Variants in THUMPD1 observed in about 807,000 individuals in gnomAD.
THUMPD1 encodes THUMP domain-containing protein 1.
In THUMPD1, 31 loss-of-function variants were observed where a neutral mutation model predicts 31.6. That is an observed-to-expected ratio of 0.98 (90% CI 0.74 to 1.32). THUMPD1 has a LOEUF of 1.32. Ranked by LOEUF, THUMPD1 falls within the 40% of genes most tolerant of loss-of-function variation. The probability of loss-of-function intolerance (pLI) is 0.00; values close to 1 mark genes in which losing one functional copy is unlikely to be tolerated. For missense variants in THUMPD1, 446 were observed against 427.8 expected (o/e 1.04, Z -0.38); for synonymous variants, 166 against 158.2 (o/e 1.05, Z -0.37).
rs2079877772 is a variant in THUMPD1 at position 20,737,192 on chromosome 16, C to T, written c.750G>A (p.Leu250=). The T allele has an allele frequency of 1.2e-6, 2 of 1,614,100 alleles. No homozygotes were observed. The highest frequency in any genetic ancestry group is 2.2e-5 in the South Asian group (2 of 91,090). Residue 250 remains leucine (L), a synonymous_variant, in exon 4 of 4, where the codon CTG becomes CTA. Transcript: ENST00000396083. ...ACAACATGTAATCTTTCACAACACTCAGGCAACAGACAGCTTTGATGATTT... is the reference window on the plus strand; with the variant it reads ...ACAACATGTAATCTTTCACAACACTTAGGCAACAGACAGCTTTGATGATTT... ...VVEIIKAVCC[L]SVVKDYMLFR...
rs777173334 is a variant in THUMPD1 at position 20,738,919 on chromosome 16, GACA to G, written c.381_383del (p.Val128del). ...CACCTATCCCAAGTGTCCTGATGAAGACAACGTTATTTGCTCCACTTTCCACTG... is the reference window on the plus strand; with the variant it reads ...CACCTATCCCAAGTGTCCTGATGAAGACGTTATTTGCTCCACTTTCCACTG... On this transcript the variant is annotated inframe_deletion, in exon 2 of 4. Coordinates refer to ENST00000396083, the MANE Select transcript of THUMPD1 (RefSeq NM_017736.5). 9 of 1,614,046 alleles carry G rather than the reference GACA, an allele frequency of 5.6e-6. No homozygotes were observed. The highest frequency in any genetic ancestry group is 4.0e-5 in the African/African-American group (3 of 74,924).
intron 1 of THUMPD1, 28 bp downstream of exon 1, chr16:20,741,481 G>GGGGGGGGGGGGCCCCCCCCCCCCCCCCC: frequency 1.5e-6 from 2 of 1,308,406 alleles, no homozygotes; most frequent in Non-Finnish European, 2.0e-6. Flanking sequence ...CTGGCAGCCG[G>GGGGGGGGGGGGCCCCCCCCCCCCCCCCC]CCCGCCCGCC....
chr16:20,735,614 T>TCA lies in THUMPD1; in HGVS notation c.*1265_*1266insTG, dbSNP rs772163541. On this transcript the variant is annotated 3_prime_UTR_variant, in exon 4 of 4. Coordinates refer to ENST00000396083, the MANE Select transcript of THUMPD1 (RefSeq NM_017736.5). ...GGAGTGTAGATACCAGACCTCTGGTTATCAGATATGATGTCACAACATTAT... is the reference window on the plus strand; with the variant it reads ...GGAGTGTAGATACCAGACCTCTGGTTCAATCAGATATGATGTCACAACATTAT... 1.3e-5 allele frequency: 2 copies of TCA among 152,028 alleles called. No individual in the cohort carries two copies. Among genetic ancestry groups the TCA allele is most frequent in the Non-Finnish European group, 2.9e-5 (2 of 68,004 alleles). The allele number at this position is 152,028 out of a possible 1,614,324, so 9.4% of individuals were successfully genotyped here.
At chr16:20,739,553 G>A (rs752081351) in intron 1 of THUMPD1, among the ~76,000 whole-genome samples, 4 of 152,126 alleles carry the variant, frequency 2.6e-5, no homozygotes, top group African/African-American at 4.8e-5. Flanking sequence ...GGAAGTGGTG[G>A]CTCATGCCCA....
In THUMPD1 at chr16:20,736,966, G is replaced by A. The variant is rs954251180; in HGVS notation, c.976C>T (p.Gln326Ter). Reference protein sequence around the residue: ...LGQTKPTSNPQVVNEGGAKPE... With the variant: ...LGQTKPTSNP Reference sequence around the variant, plus strand: ...TTGGCTCCTCCCTCATTTACCACCTGTGGATTAGACGTTGGTTTTGTCTGC... The same window carrying A: ...TTGGCTCCTCCCTCATTTACCACCTATGGATTAGACGTTGGTTTTGTCTGC... The change falls in exon 4 of 4, where the codon CAG becomes TAG. Residue 326 changes from glutamine to a stop codon, truncating the protein, a stop_gained. Transcript: ENST00000396083. LOFTEE classifies it high-confidence loss of function. 2.5e-6 allele frequency: 4 copies of A among 1,613,980 alleles called. No individual in the cohort carries two copies. The highest frequency in any genetic ancestry group is 1.3e-5 in the African/African-American group (1 of 74,898).
intron 1 of THUMPD1, among the ~76,000 whole-genome samples, chr16:20,740,229 T>C (rs968651631): frequency 6.6e-6 from 1 of 152,072 alleles, no homozygotes; most frequent in African/African-American, 2.4e-5. Context: ...AACCCGTCTC[T>C]ACAAAAAATA....
chr16:20,740,339 G>GAGCA (rs1383845515), intron 1 of THUMPD1, among the ~76,000 whole-genome samples: 2 of 152,208 alleles, frequency 1.3e-5, no homozygotes, highest in African/African-American at 4.8e-5. Context: ...AAGTTGCAGT[G>GAGCA]AGCAAGAGCA....
chr16:20,741,667 C>A lies in THUMPD1; in HGVS notation c.73G>T (p.Ala25Ser). 6.3e-7 allele frequency: 1 copy of A among 1,583,866 alleles called. No individual in the cohort carries two copies. The highest frequency in any genetic ancestry group is 8.6e-7 in the Non-Finnish European group (1 of 1,165,346). The change falls in exon 1 of 4, where the codon GCC becomes TCC. Residue 25 changes from alanine (A) to serine (S), a missense_variant. Coordinates refer to ENST00000396083, the MANE Select transcript of THUMPD1 (RefSeq NM_017736.5). Reference sequence around the variant, plus strand: ...GCGTCGCAGCGCCGAGCGCGCTTGGCCAGCACATACTGAGCCTTGCCTTTG... The same window carrying A: ...GCGTCGCAGCGCCGAGCGCGCTTGGACAGCACATACTGAGCCTTGCCTTTG... ...KRKGKAQYVL[A>S]KRARRCDAGG...
In THUMPD1 at chr16:20,736,881, T is replaced by G; in HGVS notation, c.1061A>C (p.Ter354SerextTer26). ...GSKSNENDFS[*>S] ...CCACCTCCAACACCAAATGACTTCC[T>G]ATGAGAAGTCATTTTCATTTGACTT... The change falls in exon 4 of 4, where the codon TAG becomes TCG. Residue 354 changes from the stop codon to serine (S), a stop_lost. Coordinates refer to ENST00000396083, the MANE Select transcript of THUMPD1 (RefSeq NM_017736.5). The G allele has an allele frequency of 6.2e-7, 1 of 1,613,544 alleles. No homozygotes were observed. The highest frequency in any genetic ancestry group is 1.1e-5 in the South Asian group (1 of 91,056).
At position 20,741,632 on chromosome 16, in the gene THUMPD1, G is replaced by A. The variant is rs2079925548; in HGVS notation, c.108C>T (p.Pro36=). 2 of 1,579,060 alleles carry A rather than the reference G, an allele frequency of 1.3e-6. No individual in the cohort carries two copies. The highest frequency in any genetic ancestry group is 1.3e-5 in the African/African-American group (1 of 74,252). The part of the protein sequence containing the change: ...KRARRCDAGG[P]RQLEPGLQGI... ...CCTGTAGCCCGGGCTCTAGCTGACG[G>A]GGCCCGCCAGCGTCGCAGCGCCGAG... Residue 36 remains proline (P), a synonymous_variant, in exon 1 of 4, where the codon CCC becomes CCT. Coordinates refer to ENST00000396083, the MANE Select transcript of THUMPD1 (RefSeq NM_017736.5).
chr16:20,738,133 C>A, intron 2 of THUMPD1, 177 bp from the exon 3 acceptor site: 1 of 724,246 alleles, frequency 1.4e-6, no homozygotes, highest in Admixed American at 2.0e-5. Flanking sequence ...CTAATACGTA[C>A]TATAATGTAT....
chr16:20,741,635 CCCGCCAGCGT>C lies in THUMPD1; in HGVS notation c.95_104del (p.Asp32GlyfsTer5). The C allele has an allele frequency of 1.3e-6, 2 of 1,580,080 alleles. No individual in the cohort carries two copies. The highest frequency in any genetic ancestry group is 1.7e-6 in the Non-Finnish European group (2 of 1,163,358). On this transcript the variant is annotated frameshift_variant, in exon 1 of 4. Transcript: ENST00000396083. LOFTEE classifies it high-confidence loss of function. ...GTAGCCCGGGCTCTAGCTGACGGGG[CCCGCCAGCGT>C]CGCAGCGCCGAGCGCGCTTGGCCAG...
Position 20,737,975 on chromosome 16 carries a change from T to C in THUMPD1, c.407-19A>G. 1 of 1,547,450 alleles carries C rather than the reference T, an allele frequency of 6.5e-7. No individual in the cohort carries two copies. Among genetic ancestry groups the C allele is most frequent in the Non-Finnish European group, 8.7e-7 (1 of 1,145,188 alleles). On this transcript the variant is annotated intron_variant, in intron 2 of 3. Transcript: ENST00000396083. ...TCAGGCTCTTAAGAAAAAAAAAAAG[T>C]TAAGAAGATAATTTCTCAGACATCT...
rs779445236 is a variant in THUMPD1, at chr16:20,736,893, T to C, written c.1049A>G (p.Asn350Ser). The C allele has an allele frequency of 3.7e-6, 6 of 1,613,788 alleles. No individual in the cohort carries two copies. Among genetic ancestry groups the C allele is most frequent in the Non-Finnish European group, 2.5e-6 (3 of 1,179,798 alleles). The stretch of plus-strand genomic sequence containing the variant: ...CCAAATGACTTCCTATGAGAAGTCA[T>C]TTTCATTTGACTTGGATCCTTCTGT... ...QATEGSKSNE[N>S]DFS Residue 350 changes from asparagine to serine, a missense_variant, in exon 4 of 4, where the codon AAT becomes AGT. Transcript: ENST00000396083.
At chr16:20,741,414 A>G in intron 1 of THUMPD1, 95 bp downstream of exon 1, 1 of 1,411,882 alleles carries the variant, frequency 7.1e-7, no homozygotes, top group Middle Eastern at 2.6e-4. Flanking sequence ...CGACGACCCG[A>G]GGCGCGCATG....
In THUMPD1 at chr16:20,734,751, C is replaced by A. The variant is rs1177669367; in HGVS notation, c.*2129G>T. On this transcript the variant is annotated 3_prime_UTR_variant, in exon 4 of 4. Transcript: ENST00000396083. ...AAAAACTTTCAAATTCAGGAAACCC[C>A]TAAACCCCTGCAGAGAACCCTCATG... The A allele has an allele frequency of 1.3e-5, 2 of 152,162 alleles. No homozygotes were observed. The highest frequency in any genetic ancestry group is 4.8e-5 in the African/African-American group (2 of 41,434). The allele number at this position is 152,162 out of a possible 1,614,324, so 9.4% of individuals were successfully genotyped here.
intron 1 of THUMPD1, 28 bp downstream of exon 1, chr16:20,741,481 G>GGGGGGGGGGCGCC: frequency 1.5e-6 from 2 of 1,308,410 alleles, no homozygotes; most frequent in Non-Finnish European, 2.0e-6. Context: ...CTGGCAGCCG[G>GGGGGGGGGGCGCC]CCCGCCCGCC....
intron 1 of THUMPD1, 33 bp downstream of exon 1, chr16:20,741,476 A>AGCCGGGGGGGGGGGGGGGGG: frequency 7.2e-7 from 1 of 1,388,838 alleles, no homozygotes; most frequent in Non-Finnish European, 9.5e-7. Flanking sequence ...AAGGCCTGGC[A>AGCCGGGGGGGGGGGGGGGGG]GCCGGCCCGC....
chr16:20,736,445 T>C lies in THUMPD1; in HGVS notation c.*435A>G, dbSNP rs1199579383. The C allele has an allele frequency of 6.5e-6, 1 of 153,218 alleles. No homozygotes were observed. Among genetic ancestry groups the C allele is most frequent in the African/African-American group, 2.4e-5 (1 of 40,880 alleles). 9.5% of individuals were successfully genotyped at this position (153,218 alleles called of 1,614,324 possible). ...AAAGTACAAAAACTTCACTAAACAATTCACTTCTAACCTACATGATCCACA... is the reference window on the plus strand; with the variant it reads ...AAAGTACAAAAACTTCACTAAACAACTCACTTCTAACCTACATGATCCACA... On this transcript the variant is annotated 3_prime_UTR_variant, in exon 4 of 4. Transcript: ENST00000396083.
Sources: gnomAD v4.1 joint callset for allele counts (sites outside exome capture counted in the v4.1 genomes callset) on GRCh38, gnomAD v4.1.1 for gene constraint, MANE v1.5 for transcripts, NCBI Gene and HGNC (gene_info 2026-07-23, HGNC 2026-07-21) for gene names.